Variants in PDILT observed in about 807,000 individuals in gnomAD.
The protein encoded by PDILT is protein disulfide-isomerase-like protein of the testis.
In PDILT, 43 loss-of-function variants were observed where a neutral mutation model predicts 53.7. That is an observed-to-expected ratio of 0.80 (90% CI 0.63 to 1.03). The LOEUF (loss-of-function observed/expected upper bound fraction) is 1.03. Ranked by LOEUF, PDILT falls within the 50% of genes least tolerant of loss-of-function variation. The pLI, the probability that PDILT is intolerant of heterozygous loss-of-function variation, is 0.00. For synonymous variants in PDILT, 282 were observed against 274.2 expected, an observed-to-expected ratio of 1.03 and a Z score of -0.28; for missense variants, 727 against 712.3, an observed-to-expected ratio of 1.02 and a Z score of -0.24.
rs189724557 is a variant in PDILT at position 20,376,721 on chromosome 16, G to C, written c.410-520C>G. 7.9e-5 allele frequency among the ~76,000 whole-genome samples: 12 copies of C among 152,286 alleles called. 1 individual carries two copies. The highest frequency in any genetic ancestry group is 1.5e-4 in the Non-Finnish European group (10 of 68,022). ...ATCTTCCTGCAGCCCCCATTCCTCAGCTGAGATCCAAATGCCCTTTAAGGT... is the reference window on the plus strand; with the variant it reads ...ATCTTCCTGCAGCCCCCATTCCTCACCTGAGATCCAAATGCCCTTTAAGGT... On this transcript the variant is annotated intron_variant, in intron 3 of 11. Transcript: ENST00000302451.
intron 7 of PDILT, 53 bp downstream of exon 7, chr16:20,372,749 G>C: frequency 6.3e-7 from 1 of 1,591,066 alleles, no homozygotes. Flanking sequence ...AGGGTCTGCA[G>C]GTCTTGGATC....
At chr16:20,387,155 G>A (rs1353449448) in intron 2 of PDILT, among the ~76,000 whole-genome samples, 2 of 152,196 alleles carry the variant, frequency 1.3e-5, no homozygotes, top group African/African-American at 4.8e-5. Flanking sequence ...ATATAACAGT[G>A]AACAGATAAA....
intron 3 of PDILT, among the ~76,000 whole-genome samples, chr16:20,378,571 G>A (rs148874805): frequency 0.012 from 1,826 of 152,108 alleles, 33 homozygotes; most frequent in African/African-American, 0.042. Flanking sequence ...TTTAAGCCCC[G>A]CGTGCATTAG....
At chr16:20,384,475 C>G (rs1045556826) in intron 3 of PDILT, among the ~76,000 whole-genome samples, 170 bp downstream of exon 3, 5 of 152,114 alleles carry the variant, frequency 3.3e-5, no homozygotes, top group Admixed American at 2.0e-4. Flanking sequence ...TGGCTGGATA[C>G]AGAGGAAAGA....
intron 2 of PDILT, among the ~76,000 whole-genome samples, chr16:20,394,556 G>A (rs1966640632): frequency 6.6e-6 from 1 of 152,184 alleles, no homozygotes; most frequent in African/African-American, 2.4e-5. Context: ...GTACACCAGT[G>A]CTTCTCACAC....
chr16:20,376,005 C>T, intron 4 of PDILT, 63 bp downstream of exon 4: 4 of 1,588,684 alleles, frequency 2.5e-6, no homozygotes, highest in Non-Finnish European at 3.4e-6. Flanking sequence ...CTCACACCAC[C>T]CCCTCCCAGA....
chr16:20,374,909 A>G lies in PDILT; in HGVS notation c.594T>C (p.Phe198=), dbSNP rs370890412. Residue 198 remains phenylalanine (F), a synonymous_variant, in exon 5 of 12, where the codon TTT becomes TTC. Transcript: ENST00000302451. Reference sequence around the variant, plus strand: ...TTATGACTCCAAACGTTAGCTCTGGAAAGTCTTTGATCACATCATAGAACA... The same window carrying G: ...TTATGACTCCAAACGTTAGCTCTGGGAAGTCTTTGATCACATCATAGAACA... The part of the protein sequence containing the change: ...AELFYDVIKD[F]PELTFGVITI... The G allele has an allele frequency of 4.3e-6, 7 of 1,613,976 alleles. No individual in the cohort carries two copies. In the East Asian group the frequency reaches 6.7e-5, roughly 15 times the overall value.
At chr16:20,385,189 G>T (rs1378552681) in intron 2 of PDILT, among the ~76,000 whole-genome samples, 1 of 152,186 alleles carries the variant, frequency 6.6e-6, no homozygotes, top group African/African-American at 2.4e-5. Context: ...TGAGATTTAT[G>T]TCACAACCAG....
At chr16:20,388,134 A>G (rs1264517777) in intron 2 of PDILT, among the ~76,000 whole-genome samples, 1 of 152,152 alleles carries the variant, frequency 6.6e-6, no homozygotes, top group African/African-American at 2.4e-5. Flanking sequence ...ACATAGGATT[A>G]TGTAGGATCT....
intron 2 of PDILT, among the ~76,000 whole-genome samples, chr16:20,389,768 T>A (rs911816401): frequency 2.6e-5 from 4 of 152,066 alleles, no homozygotes; most frequent in Admixed American, 6.6e-5. Context: ...TGAATGTGAG[T>A]CAGAGGAGGG....
chr16:20,385,614 CA>C (rs1217274523), intron 2 of PDILT, among the ~76,000 whole-genome samples: 1 of 151,466 alleles, frequency 6.6e-6, no homozygotes, highest in South Asian at 2.1e-4. Flanking sequence ...GGTGAGGGAT[CA>C]AAAAAAACTG....
chr16:20,391,305 C>T (rs1966604364), intron 2 of PDILT: 1 of 166,056 alleles, frequency 6.0e-6, no homozygotes, highest in Admixed American at 5.9e-5. Context: ...TCGCCATTGT[C>T]ATCATCACCA....
intron 11 of PDILT, among the ~76,000 whole-genome samples, chr16:20,360,139 A>G (rs1451122532): frequency 6.6e-6 from 1 of 152,172 alleles, no homozygotes; most frequent in Non-Finnish European, 1.5e-5. Context: ...AGCAAAGAGT[A>G]GTGTCTGAAA....
intron 2 of PDILT, among the ~76,000 whole-genome samples, chr16:20,392,576 C>A (rs925631319): frequency 5.9e-5 from 9 of 152,142 alleles, no homozygotes; most frequent in African/African-American, 2.2e-4. Flanking sequence ...CCAAAGGCCA[C>A]TTTAGAAGGC....
At chr16:20,383,135 G>A (rs902275087) in intron 3 of PDILT, among the ~76,000 whole-genome samples, 17 of 152,168 alleles carry the variant, frequency 1.1e-4, no homozygotes, top group African/African-American at 3.9e-4. Flanking sequence ...GAAGTCAAAT[G>A]CCTTGGGGAC....
chr16:20,370,416 G>A (rs916418325), intron 7 of PDILT, among the ~76,000 whole-genome samples: 8 of 152,162 alleles, frequency 5.3e-5, no homozygotes, highest in South Asian at 2.1e-4. Flanking sequence ...GATTAGGTAG[G>A]GTGGTCAAGA....
chr16:20,389,236 G>T (rs1567329594), intron 2 of PDILT, among the ~76,000 whole-genome samples: 1 of 151,956 alleles, frequency 6.6e-6, no homozygotes, highest in Non-Finnish European at 1.5e-5. Context: ...TCATCAAAAA[G>T]AGGCAGTTAT....
At chr16:20,378,993 G>T (rs913428430) in intron 3 of PDILT, among the ~76,000 whole-genome samples, 1 of 150,468 alleles carries the variant, frequency 6.6e-6, no homozygotes, top group Non-Finnish European at 1.5e-5. Context: ...CTGCTAATGG[G>T]CATTTAGTTG....
At position 20,360,433 on chromosome 16, in the gene PDILT, C is replaced by A. The variant is rs550977004; in HGVS notation, c.1506+135G>T. 5.6e-5 allele frequency: 47 copies of A among 833,494 alleles called. No homozygotes were observed. In the Admixed American group the frequency reaches 7.6e-4, roughly 14 times the overall value. The allele number at this position is 833,494 out of a possible 1,614,324, so 51.6% of individuals were successfully genotyped here. The stretch of plus-strand genomic sequence containing the variant: ...AAAGGTGACTAGTAGAGTCACCCAA[C>A]CTGGATGCTTCTCCATCCATCCTCA... On this transcript the variant is annotated intron_variant, in intron 11 of 11. Transcript: ENST00000302451.
Sources: gnomAD v4.1 joint callset for allele counts (sites outside exome capture counted in the v4.1 genomes callset) on GRCh38, gnomAD v4.1.1 for gene constraint, MANE v1.5 for transcripts, NCBI Gene and HGNC (gene_info 2026-07-23, HGNC 2026-07-21) for gene names.